Variants in KLF12 observed in about 807,000 individuals in gnomAD.
KLF12 encodes the protein Krueppel-like factor 12.
Under a neutral mutation model 37.8 loss-of-function variants are expected in KLF12, and 9 were observed. The ratio of observed to expected loss-of-function variants is 0.24; its 90% CI spans 0.14 to 0.42. The LOEUF is 0.42. Among genes scored for constraint, KLF12 ranks in the 10% least tolerant of loss-of-function variants. KLF12 has a pLI of 1.00. For synonymous variants in KLF12, 208 were observed against 202.1 expected, an observed-to-expected ratio of 1.03 and a Z score of -0.25; for missense variants, 411 against 516.0, an observed-to-expected ratio of 0.80 and a Z score of 1.97.
intron 1 of KLF12, among the ~76,000 whole-genome samples, chr13:74,104,279 A>G (rs566412234): frequency 1.6e-4 from 25 of 152,364 alleles, no homozygotes; most frequent in African/African-American, 6.0e-4. Context: ...GTGAATGATT[A>G]AACTCATGCA....
chr13:73,715,269 G>C (rs906807979), intron 7 of KLF12, 99 bp downstream of exon 7: 1 of 969,860 alleles, frequency 1.0e-6, no homozygotes, highest in Non-Finnish European at 1.5e-6. Flanking sequence ...GACTTGAGAG[G>C]TACACAGGAT....
chr13:73,832,539 T>G (rs935022425), intron 4 of KLF12, among the ~76,000 whole-genome samples: 1 of 152,070 alleles, frequency 6.6e-6, no homozygotes, highest in Admixed American at 6.6e-5. Context: ...AATCAAGAAA[T>G]TGAAAATGCC....
the KLF12 span, among the ~76,000 whole-genome samples, chr13:74,234,745 C>T: frequency 3.7e-4 from 55 of 150,064 alleles, no homozygotes; most frequent in South Asian, 2.1e-4. Context: ...ACCTCTTATT[C>T]GGAAAAAAAA....
At position 74,091,835 on chromosome 13, in the gene KLF12, A is replaced by G. The variant is rs541648912; in HGVS notation, c.-32+41904T>C. 3.2e-4 allele frequency among the ~76,000 whole-genome samples: 48 copies of G among 152,284 alleles called. 1 individual carries two copies. Among genetic ancestry groups the G allele is most frequent in the Non-Finnish European group, 1.2e-4 (8 of 68,018 alleles). On this transcript the variant is annotated intron_variant, in intron 1 of 7. Coordinates refer to ENST00000377669, the MANE Select transcript of KLF12 (RefSeq NM_007249.5). ...ATTTATTTTGGGTGATAATACATCA[A>G]TGTAGATTACTTAATTGTAACATAT...
chr13:74,037,033 G>A (rs1271364497), intron 1 of KLF12, among the ~76,000 whole-genome samples: 12 of 151,760 alleles, frequency 7.9e-5, no homozygotes, highest in East Asian at 5.8e-4. Flanking sequence ...GTGAAACCCC[G>A]TCTCTACTGA....
chr13:74,132,743 A>C (rs757657153), intron 1 of KLF12, among the ~76,000 whole-genome samples: 10 of 152,192 alleles, frequency 6.6e-5, no homozygotes, highest in Non-Finnish European at 5.9e-5. Context: ...GCATATAACA[A>C]AGGAATTGGT....
chr13:74,218,346 C>T, the KLF12 span, among the ~76,000 whole-genome samples: 2 of 152,150 alleles, frequency 1.3e-5, no homozygotes, highest in African/African-American at 2.4e-5. Context: ...ATGAGAGTTT[C>T]TTGATTAGTG....
the KLF12 span, among the ~76,000 whole-genome samples, chr13:74,197,124 C>T: frequency 1.4e-3 from 220 of 152,094 alleles, no homozygotes; most frequent in South Asian, 5.6e-3. Flanking sequence ...TTATTTTTTA[C>T]AGCAACTTTC....
intron 1 of KLF12, among the ~76,000 whole-genome samples, chr13:74,071,978 C>G (rs994504246): frequency 3.9e-5 from 6 of 152,182 alleles, no homozygotes; most frequent in Admixed American, 2.0e-4. Flanking sequence ...CCAACCCCCC[C>G]ACCTGAACAA....
At chr13:73,722,768 C>T (rs751288624) in intron 6 of KLF12, among the ~76,000 whole-genome samples, 1 of 152,188 alleles carries the variant, frequency 6.6e-6, no homozygotes, top group Non-Finnish European at 1.5e-5. Context: ...TCTATTCAAA[C>T]TAGCGTTTGG....
At chr13:73,830,716 T>C (rs1411203701) in intron 4 of KLF12, among the ~76,000 whole-genome samples, 1 of 152,152 alleles carries the variant, frequency 6.6e-6, no homozygotes, top group East Asian at 1.9e-4. Context: ...CGAGGCAAGA[T>C]AGAACAGGCG....
At chr13:74,200,672 T>C in the KLF12 span, among the ~76,000 whole-genome samples, 1 of 152,024 alleles carries the variant, frequency 6.6e-6, no homozygotes, top group Non-Finnish European at 1.5e-5. Flanking sequence ...AAACTGGACA[T>C]AGAGATCATC....
chr13:73,977,812 C>CCCACAT (rs1343627551), intron 2 of KLF12, among the ~76,000 whole-genome samples: 1 of 152,136 alleles, frequency 6.6e-6, no homozygotes, highest in Non-Finnish European at 1.5e-5. Flanking sequence ...CAGAAATAGA[C>CCCACAT]CCACATAAAT....
intron 3 of KLF12, among the ~76,000 whole-genome samples, chr13:73,906,668 G>T (rs1315629342): frequency 1.3e-5 from 2 of 152,082 alleles, no homozygotes; most frequent in African/African-American, 2.4e-5. Flanking sequence ...TAAATTCTCA[G>T]TTTCATTGCT....
the KLF12 span, among the ~76,000 whole-genome samples, chr13:74,149,829 C>A: frequency 3.4e-4 from 52 of 152,242 alleles, no homozygotes; most frequent in African/African-American, 1.2e-3. Flanking sequence ...CCCCCTCTGG[C>A]CTCCTTGTTG....
the KLF12 span, among the ~76,000 whole-genome samples, chr13:74,305,165 A>G: frequency 3.9e-5 from 6 of 152,104 alleles, no homozygotes; most frequent in Admixed American, 2.6e-4. Context: ...TCATGTTGCT[A>G]GAAATCCACA....
chr13:74,267,970 C>T, the KLF12 span, among the ~76,000 whole-genome samples: 1 of 152,082 alleles, frequency 6.6e-6, no homozygotes, highest in African/African-American at 2.4e-5. Flanking sequence ...CCAAAGGATA[C>T]CTGGGGTCAC....
intron 5 of KLF12, among the ~76,000 whole-genome samples, chr13:73,799,621 T>C (rs1220442282): frequency 6.6e-6 from 1 of 152,090 alleles, no homozygotes; most frequent in Non-Finnish European, 1.5e-5. Context: ...AAAATTAATA[T>C]TTTCACCCTA....
At position 73,715,383 on chromosome 13, in the gene KLF12, G is replaced by A. The variant is rs773116704; in HGVS notation, c.1012C>T (p.Arg338Trp). The A allele has an allele frequency of 7.4e-6, 12 of 1,613,744 alleles. No individual in the cohort carries two copies. The highest frequency in any genetic ancestry group is 4.5e-5 in the East Asian group (2 of 44,872). ...AGAGCGGTACCTGTATGTGTCCTCC[G>A]GTGAGCCTTCAGGTGAGAACTTTTT... is the stretch of plus-strand genomic sequence containing the variant. Residue 338 changes from arginine to tryptophan, a missense_variant, in exon 7 of 8, where the codon CGG becomes TGG. Physicochemically the swap from Arg to Trp is moderately radical, Grantham distance 101 (BLOSUM62 -3). Coordinates refer to ENST00000377669, the MANE Select transcript of KLF12 (RefSeq NM_007249.5).
Sources: allele counts gnomAD v4.1 joint callset (sites outside exome capture counted in the v4.1 genomes callset), GRCh38; gene constraint gnomAD v4.1.1; transcripts MANE v1.5; gene names NCBI Gene and HGNC (gene_info 2026-07-23, HGNC 2026-07-21).